Variants in FAM107A observed in about 807,000 individuals in gnomAD.
FAM107A encodes the protein actin-associated protein FAM107A.
In FAM107A, 19 loss-of-function variants were observed where a neutral mutation model predicts 13.7. The ratio of observed to expected loss-of-function variants is 1.38; its 90% CI spans 0.97 to 2.03. The LOEUF (loss-of-function observed/expected upper bound fraction) is 2.03, where lower values mean the gene tolerates loss of function less well. Ranked by LOEUF, FAM107A falls within the 30% of genes most tolerant of loss-of-function variation. The pLI is 0.00. For missense variants in FAM107A, 203 were observed against 184.4 expected, an observed-to-expected ratio of 1.10 and a Z score of -0.58; for synonymous variants, 82 against 74.5, an observed-to-expected ratio of 1.10 and a Z score of -0.52.
chr3:58,600,512 A>G (rs1437802790), intron 1 of FAM107A, among the ~76,000 whole-genome samples: 1 of 152,144 alleles, frequency 6.6e-6, no homozygotes, highest in African/African-American at 2.4e-5. Flanking sequence ...AGTTGAGTGA[A>G]TTTTGCTCAG....
rs374578791 is a variant in FAM107A at position 58,567,264 on chromosome 3, G to A, written c.271C>T (p.Arg91Trp). The A allele has an allele frequency of 2.1e-5, 34 of 1,613,936 alleles. No individual in the cohort carries two copies. In the East Asian group the frequency reaches 3.8e-4, roughly 18 times the overall value. The part of the protein sequence containing the change: ...KKKKEELEAK[R>W]LQCPFEQELL... ...TCCTGCTCAAAGGGGCACTGCAGCC[G>A]CTTGGCTTCCAGCTCCTCCTTCTTC... Residue 91 changes from arginine (R) to tryptophan (W), a missense_variant, in exon 3 of 4, where the codon CGG becomes TGG. Physicochemically the swap from Arg to Trp is moderately radical, Grantham distance 101 (BLOSUM62 -3). Transcript: ENST00000360997.
chr3:58,584,898 G>A (rs1332738899), intron 1 of FAM107A, among the ~76,000 whole-genome samples: 1 of 152,166 alleles, frequency 6.6e-6, no homozygotes, highest in East Asian at 1.9e-4. Flanking sequence ...CCCGCCCTGT[G>A]GAGTGTACTT....
At chr3:58,626,550 A>G (rs2066019552) in intron 1 of FAM107A, among the ~76,000 whole-genome samples, 1 of 152,224 alleles carries the variant, frequency 6.6e-6, no homozygotes, top group Non-Finnish European at 1.5e-5. Context: ...TAAGGTACAG[A>G]AAGCTTAAAT....
At chr3:58,589,983 C>T (rs1327452321), upstream of FAM107A, among the ~76,000 whole-genome samples, 2 of 152,220 alleles carry the variant, frequency 1.3e-5, no homozygotes, top group African/African-American at 4.8e-5. Context: ...CAGAAGGCTT[C>T]AGGGCTTGGT....
rs1018607627 is a variant in FAM107A, at chr3:58,617,568, T to C, written c.-70+9848A>G. ...TGATCTCTTACTTACACAAAGCCCC[T>C]TGTTTATGTTAGTTTGGGAGACACA... On this transcript the variant is annotated intron_variant, in intron 1 of 3. Transcript: ENST00000465970. This position sits in a 1 kb window ranked among gnomAD's most constrained non-coding sequence, Gnocchi z 4.5. Among the ~76,000 whole-genome samples, 3 of 152,094 alleles carry C rather than the reference T, an allele frequency of 2.0e-5. No individual in the cohort carries two copies. The highest frequency in any genetic ancestry group is 4.8e-5 in the African/African-American group (2 of 41,410).
chr3:58,623,843 G>A (rs1332064040), intron 1 of FAM107A, among the ~76,000 whole-genome samples: 1 of 152,242 alleles, frequency 6.6e-6, no homozygotes, highest in Non-Finnish European at 1.5e-5. Flanking sequence ...TGGTGCAGAA[G>A]CGGCAGTGCA....
chr3:58,602,775 C>T (rs1043681128), intron 1 of FAM107A, among the ~76,000 whole-genome samples: 1 of 152,174 alleles, frequency 6.6e-6, no homozygotes, highest in African/African-American at 2.4e-5. Context: ...CTATATTTAT[C>T]TCTATGTAGT....
At position 58,566,430 on chromosome 3, in the gene FAM107A, A is replaced by G. The variant is rs1336336299; in HGVS notation, c.*158T>C. 3 of 608,982 alleles carry G rather than the reference A, an allele frequency of 4.9e-6. No homozygotes were observed. Among genetic ancestry groups the G allele is most frequent in the South Asian group, 2.2e-5 (1 of 45,296 alleles). 37.7% of individuals were successfully genotyped at this position (608,982 alleles called of 1,614,324 possible). ...AGGAGCTTAGGGGCCCCAGCCTCCCAGGGAGAGCCAGGCCCTCTGGGGTGA... is the reference window on the plus strand; with the variant it reads ...AGGAGCTTAGGGGCCCCAGCCTCCCGGGGAGAGCCAGGCCCTCTGGGGTGA... On this transcript the variant is annotated 3_prime_UTR_variant, in exon 4 of 4. Transcript: ENST00000360997.
At chr3:58,597,962 C>A (rs148504836) in intron 1 of FAM107A, among the ~76,000 whole-genome samples, 1 of 152,334 alleles carries the variant, frequency 6.6e-6, no homozygotes, top group Non-Finnish European at 1.5e-5. Context: ...AACTGAGGCT[C>A]AGTGAGGTTA....
intron 1 of FAM107A, among the ~76,000 whole-genome samples, chr3:58,596,678 C>CAA (rs34782813): frequency 0.016 from 2,195 of 134,182 alleles, 61 homozygotes; most frequent in African/African-American, 0.05. Flanking sequence ...GACTCGGTCT[C>CAA]AAAAAAAAAA....
intron 1 of FAM107A, among the ~76,000 whole-genome samples, chr3:58,597,501 C>T (rs191849588): frequency 5.3e-5 from 8 of 152,138 alleles, no homozygotes; most frequent in African/African-American, 9.7e-5. Context: ...TGTCTCTAGA[C>T]GTCTTTATTT....
chr3:58,570,394 A>G (rs1334901372), intron 1 of FAM107A: 1 of 984,812 alleles, frequency 1.0e-6, no homozygotes, highest in Non-Finnish European at 1.2e-6. Flanking sequence ...ATCAAAGAGG[A>G]GAGCATGAAA....
In FAM107A at chr3:58,577,107, C is replaced by T. The variant is rs983650213; in HGVS notation, c.-6+202G>A. On this transcript the variant is annotated intron_variant, in intron 1 of 3. Transcript: ENST00000360997. The surrounding 1 kb of genome is among the most constrained non-coding windows in gnomAD (Gnocchi z 4.9). ...GGGGCTCGCTTCTTTGTCTCCTACCCTTTTCCGAAACCCAGGGTGCCTGGA... is the reference window on the plus strand; with the variant it reads ...GGGGCTCGCTTCTTTGTCTCCTACCTTTTTCCGAAACCCAGGGTGCCTGGA... Among the ~76,000 whole-genome samples, 11 of 152,222 alleles carry T rather than the reference C, an allele frequency of 7.2e-5. No individual in the cohort carries two copies. Among genetic ancestry groups the T allele is most frequent in the Non-Finnish European group, 1.6e-4 (11 of 68,050 alleles).
At chr3:58,588,345 GC>G (rs1348471382), upstream of FAM107A, among the ~76,000 whole-genome samples, 1 of 152,178 alleles carries the variant, frequency 6.6e-6, no homozygotes, top group African/African-American at 2.4e-5. Flanking sequence ...TACCTTCAAG[GC>G]CAACTGTTGG....
intron 1 of FAM107A, among the ~76,000 whole-genome samples, chr3:58,584,489 G>A (rs1575446265): frequency 6.6e-6 from 1 of 152,146 alleles, no homozygotes; most frequent in African/African-American, 2.4e-5. Flanking sequence ...GTTTGAATGT[G>A]TTTTCTACCT....
chr3:58,626,897 C>T (rs76988038), intron 1 of FAM107A: 53,446 of 1,446,604 alleles, frequency 0.037, 1,348 homozygotes, highest in South Asian at 0.068. Flanking sequence ...GTAGGTGGGT[C>T]GGGGCTCCCA....
rs547387364 is a variant in FAM107A at position 58,586,938 on chromosome 3, C to T, written c.-2G>A. The T allele has an allele frequency of 1.1e-3, 1,699 of 1,527,808 alleles. 3 individuals are homozygous for T. The highest frequency in any genetic ancestry group is 1.2e-3 in the South Asian group (102 of 82,582). The allele number at this position is 1,527,808 out of a possible 1,614,324, so 94.6% of individuals were successfully genotyped here. A position where few individuals can be genotyped will look rare whatever the true frequency, so the allele number is the denominator to read the frequency against. The stretch of plus-strand genomic sequence containing the variant: ...CCACTCGCCCAGCCTCTGCGCCATG[C>T]CCCCGCGCCTCCTACTGCAGAGCCA... On this transcript the variant is annotated 5_prime_UTR_variant, in exon 1 of 4. Coordinates refer to the FAM107A transcript ENST00000447756.
At chr3:58,581,218 C>T (rs529680750), upstream of FAM107A, among the ~76,000 whole-genome samples, 2 of 152,354 alleles carry the variant, frequency 1.3e-5, no homozygotes, top group Admixed American at 1.3e-4. Flanking sequence ...TGGGCACACC[C>T]CTCCTGTCTT....
chr3:58,601,259 C>T lies in FAM107A; in HGVS notation c.-69-11990G>A, dbSNP rs2065750559. 2.0e-5 allele frequency among the ~76,000 whole-genome samples: 3 copies of T among 150,734 alleles called. No individual in the cohort carries two copies. The South Asian group carries it at 6.6e-4, about 33-fold the overall frequency. On this transcript the variant is annotated intron_variant, in intron 1 of 3. Coordinates refer to the FAM107A transcript ENST00000465970. ...GTGCAACCCCCCAAATCTCCAAATACTTCAACCCCACATCCTCCTCCCAGA... is the reference window on the plus strand; with the variant it reads ...GTGCAACCCCCCAAATCTCCAAATATTTCAACCCCACATCCTCCTCCCAGA...
Sources: allele counts gnomAD v4.1 joint callset (sites outside exome capture counted in the v4.1 genomes callset), GRCh38; gene constraint gnomAD v4.1.1; non-coding constraint Gnocchi (gnomAD v3.1); transcripts MANE v1.5; gene names NCBI Gene and HGNC (gene_info 2026-07-23, HGNC 2026-07-21).